The following CNDP2 variants were observed in gnomAD, a reference collection of about 807,000 sequenced individuals.
CNDP2 encodes the protein carnosine dipeptidase 2.
In CNDP2, 38 loss-of-function variants were observed where a neutral mutation model predicts 55.0. The observed-to-expected ratio is 0.69, with a 90% confidence interval of 0.53 to 0.90. The LOEUF is 0.90. CNDP2 is among the 40% of genes least tolerant of loss of function. CNDP2 has a pLI of 0.00. For synonymous variants in CNDP2, 241 were observed against 260.2 expected (o/e 0.93, Z 0.71); for missense variants, 607 against 621.7 (o/e 0.98, Z 0.25).
intron 4 of CNDP2, among the ~76,000 whole-genome samples, chr18:74,506,712 G>T (rs966940229): frequency 2.0e-5 from 3 of 152,216 alleles, no homozygotes; most frequent in African/African-American, 7.2e-5. Context: ...CTGCCCCAGT[G>T]GGGGTGGCGA....
chr18:74,510,987 A>G lies in CNDP2; in HGVS notation c.631A>G (p.Arg211Gly). The change falls in exon 6 of 12, where the codon AGG becomes GGG. Residue 211 changes from arginine (R) to glycine (G), a missense_variant. Arg to Gly is a moderately radical substitution (Grantham distance 125, BLOSUM62 -2). Transcript: ENST00000324262. ...GAAGCCCTGCATCACCTACGGCCTC[A>G]GGGGCATTTGCTACTTTTTCATCGA... The part of the protein sequence containing the change: ...KKKPCITYGL[R>G]GICYFFIEVE... 6.2e-7 allele frequency: 1 copy of G among 1,614,146 alleles called. No homozygotes were observed.
Position 74,505,907 on chromosome 18 carries a change from A to G in CNDP2, c.263A>G (p.Asp88Gly), listed in dbSNP as rs11539406. 3.7e-6 allele frequency: 6 copies of G among 1,612,014 alleles called. No individual in the cohort carries two copies. The change falls in exon 4 of 12, where the codon GAC becomes GGC. Residue 88 changes from aspartate to glycine, a missense_variant. Transcript: ENST00000324262. ...PPILLGRLGS[D>G]PQKKTVCIYG... ...ATTCTGCTCGGCAGGCTGGGCTCCGACCCACAGAAGAAGACCGTGTGCATT... is the reference window on the plus strand; with the variant it reads ...ATTCTGCTCGGCAGGCTGGGCTCCGGCCCACAGAAGAAGACCGTGTGCATT...
In CNDP2 at chr18:74,515,901, G is replaced by A. The variant is rs139172522; in HGVS notation, c.904-327G>A. Among the ~76,000 whole-genome samples, 56 of 152,298 alleles carry A rather than the reference G, an allele frequency of 3.7e-4. No individual in the cohort carries two copies. The East Asian group carries it at 0.011, about 29-fold the overall frequency. Reference sequence around the variant, plus strand: ...TCATCAAGAGCTCCAAAGTCTGTGGGACCTTGACACCCCCAGTTCTACAGG... The same window carrying A: ...TCATCAAGAGCTCCAAAGTCTGTGGAACCTTGACACCCCCAGTTCTACAGG... On this transcript the variant is annotated intron_variant, in intron 8 of 11. Coordinates refer to ENST00000324262, the MANE Select transcript of CNDP2 (RefSeq NM_018235.3).
chr18:74,506,828 T>C (rs1430007254), intron 4 of CNDP2, among the ~76,000 whole-genome samples: 6 of 152,218 alleles, frequency 3.9e-5, no homozygotes, highest in Admixed American at 1.3e-4. Context: ...TTCCTGTTCC[T>C]TCTGGTGTAA....
chr18:74,500,586 A>G (rs1020923054), intron 2 of CNDP2, among the ~76,000 whole-genome samples: 1 of 152,152 alleles, frequency 6.6e-6, no homozygotes, highest in Non-Finnish European at 1.5e-5. Flanking sequence ...TACATTTTAC[A>G]TTTACTTCCT....
At chr18:74,513,484 G>A in intron 7 of CNDP2, 75 bp from the exon 8 acceptor site, 3 of 1,441,482 alleles carry the variant, frequency 2.1e-6, no homozygotes, top group Non-Finnish European at 1.8e-6. Flanking sequence ...GGCTTCCTGG[G>A]GTCGGTGCAG....
chr18:74,502,011 A>G (rs1249143667), intron 3 of CNDP2, among the ~76,000 whole-genome samples: 1 of 152,000 alleles, frequency 6.6e-6, no homozygotes, highest in East Asian at 1.9e-4. Context: ...CTCCTGCTTC[A>G]GCCTCCTGAG....
intron 10 of CNDP2, 137 bp from the exon 11 acceptor site, chr18:74,518,812 C>G: frequency 6.9e-7 from 1 of 1,440,496 alleles, no homozygotes; most frequent in East Asian, 2.3e-5. Context: ...GGACCCCTGG[C>G]GGACCTTGAA....
At chr18:74,519,416 G>C (rs1032918256) in intron 11 of CNDP2, among the ~76,000 whole-genome samples, 18 of 152,176 alleles carry the variant, frequency 1.2e-4, no homozygotes, top group Non-Finnish European at 1.5e-5. Flanking sequence ...TGCACACGTT[G>C]CTGCTTTGAC....
At chr18:74,498,942 G>T (rs1334830226) in intron 1 of CNDP2, among the ~76,000 whole-genome samples, 6 of 152,224 alleles carry the variant, frequency 3.9e-5, no homozygotes. Context: ...CACAGCAACA[G>T]CCACTTTTGA....
At chr18:74,501,243 G>T in intron 2 of CNDP2, 86 bp from the exon 3 acceptor site, 2 of 1,528,202 alleles carry the variant, frequency 1.3e-6, no homozygotes, top group Non-Finnish European at 1.8e-6. Context: ...CAGAGGGTGA[G>T]CCTGGAATGT....
chr18:74,506,375 TC>T (rs1216781761), intron 4 of CNDP2, among the ~76,000 whole-genome samples: 2 of 151,770 alleles, frequency 1.3e-5, no homozygotes, highest in Admixed American at 6.6e-5. Flanking sequence ...CCTCAAGTGA[TC>T]CCCCCCACCT....
intron 9 of CNDP2, chr18:74,516,706 A>C: frequency 1.6e-5 from 4 of 244,240 alleles, no homozygotes; most frequent in African/African-American, 2.2e-5. Context: ...GCCCCTTACC[A>C]TGGTGCCTTG....
At chr18:74,501,835 T>G (rs1310661137) in intron 3 of CNDP2, among the ~76,000 whole-genome samples, 1 of 151,808 alleles carries the variant, frequency 6.6e-6, no homozygotes, top group African/African-American at 2.4e-5. Context: ...TTATAAAGAC[T>G]CCCCCCAACC....
chr18:74,505,753 A>G, intron 3 of CNDP2, 96 bp from the exon 4 acceptor site: 1 of 1,347,470 alleles, frequency 7.4e-7, no homozygotes, highest in Non-Finnish European at 1.0e-6. Flanking sequence ...TGATAAGGAC[A>G]GATAAGGAAG....
chr18:74,517,502 G>A (rs891560376), intron 9 of CNDP2: 7 of 152,334 alleles, frequency 4.6e-5, no homozygotes, highest in Non-Finnish European at 1.0e-4. Context: ...GGTCACAGAG[G>A]CGCAACCACT....
At position 74,521,520 on chromosome 18, in the gene CNDP2, G is replaced by A. The variant is rs1980046543; in HGVS notation, c.*1452G>A. ...CCCTCTCACATCGGAACGTAAGGAT[G>A]CGCTCCTGAGGGCGTGGGGCTGCGT... On this transcript the variant is annotated 3_prime_UTR_variant, in exon 12 of 12. Coordinates refer to ENST00000324262, the MANE Select transcript of CNDP2 (RefSeq NM_018235.3). 6.6e-6 allele frequency: 1 copy of A among 152,264 alleles called. No individual in the cohort carries two copies. The highest frequency in any genetic ancestry group is 2.4e-5 in the African/African-American group (1 of 41,456). 9.4% of individuals were successfully genotyped at this position (152,264 alleles called of 1,614,324 possible). A position where few individuals can be genotyped will look rare whatever the true frequency, so the allele number is the denominator to read the frequency against.
chr18:74,511,422 C>T (rs750438460), intron 6 of CNDP2, among the ~76,000 whole-genome samples: 17 of 152,136 alleles, frequency 1.1e-4, no homozygotes, highest in Admixed American at 2.0e-4. Flanking sequence ...AAAGAGAAAC[C>T]GAGGCCGGGT....
chr18:74,501,110 T>C (rs1405225712), intron 2 of CNDP2: 6 of 1,035,634 alleles, frequency 5.8e-6, no homozygotes, highest in Non-Finnish European at 7.4e-6. Context: ...AGGTACTGAG[T>C]GTAAAACAAT....
Sources: allele counts gnomAD v4.1 joint callset (sites outside exome capture counted in the v4.1 genomes callset), GRCh38; gene constraint gnomAD v4.1.1; transcripts MANE v1.5; gene names NCBI Gene and HGNC (gene_info 2026-07-23, HGNC 2026-07-21).